The following TRPM1 variants were observed in gnomAD, a reference collection of about 807,000 sequenced individuals.
TRPM1 encodes the protein TRPM1-203 APA Isoform, Intron 10.
Under a neutral mutation model 149.4 loss-of-function variants are expected in TRPM1, and 113 were observed. The ratio of observed to expected loss-of-function variants is 0.76; its 90% CI spans 0.65 to 0.88. The LOEUF (loss-of-function observed/expected upper bound fraction) is 0.88, where lower values mean the gene tolerates loss of function less well. Ranked by LOEUF, TRPM1 falls within the 40% of genes least tolerant of loss-of-function variation. TRPM1 has a pLI of 0.00. For missense variants in TRPM1, 1,976 were observed against 2,038.7 expected (o/e 0.97, Z 0.59); for synonymous variants, 741 against 759.5 (o/e 0.98, Z 0.40).
At chr15:31,106,309 T>C (rs1488265151), upstream of TRPM1, among the ~76,000 whole-genome samples, 2 of 130,426 alleles carry the variant, frequency 1.5e-5, no homozygotes, top group Non-Finnish European at 3.4e-5. Flanking sequence ...TGGCTAATTT[T>C]GTATTTTTAG....
chr15:31,020,764 C>T (rs972513022), intron 27 of TRPM1, among the ~76,000 whole-genome samples: 3 of 152,120 alleles, frequency 2.0e-5, no homozygotes, highest in Non-Finnish European at 2.9e-5. Context: ...AGGAGGACGG[C>T]TCATTTGGTT....
At chr15:31,095,830 G>A (rs926373520) in intron 1 of TRPM1, among the ~76,000 whole-genome samples, 2 of 151,914 alleles carry the variant, frequency 1.3e-5, no homozygotes, top group African/African-American at 4.8e-5. Flanking sequence ...GATCTCTGGA[G>A]GTCAGGAGTT....
chr15:31,160,867 C>T (rs763142580), intron 1 of TRPM1: 31 of 1,533,296 alleles, frequency 2.0e-5, no homozygotes, highest in Middle Eastern at 1.7e-4. Context: ...TCTGCCCTTC[C>T]GCCCAGCTGC....
chr15:31,090,196 A>G (rs990098226), intron 1 of TRPM1, among the ~76,000 whole-genome samples: 4 of 152,156 alleles, frequency 2.6e-5, no homozygotes, highest in Non-Finnish European at 5.9e-5. Flanking sequence ...TTTTAAAAGG[A>G]AACTTTAGCA....
rs755943745 is a variant in TRPM1 at position 31,062,581 on chromosome 15, G to A, written c.1087C>T (p.Leu363Phe). 9.3e-6 allele frequency: 15 copies of A among 1,614,108 alleles called. No homozygotes were observed. The South Asian group carries it at 1.3e-4, about 14-fold the overall frequency. ...IIMECMKKKE[L>F]VTVFRMGSEG... Reference sequence around the variant, plus strand: ...GGAAATAAATTCAAGACACTTACGAGTTCTTTCTTCTTCATGCACTCCATT... The same window carrying A: ...GGAAATAAATTCAAGACACTTACGAATTCTTTCTTCTTCATGCACTCCATT... The change falls in exon 9 of 28, where the codon CTC (leucine) becomes TTC (phenylalanine). Residue 363 changes from leucine to phenylalanine, a missense_variant and splice_region_variant. Around this residue, in one of 3 missense-constraint regions of TRPM1, gnomAD observed 1,332 missense variants for 1,347.1 expected, o/e 0.99. Transcript: ENST00000256552.
intron 1 of TRPM1, among the ~76,000 whole-genome samples, chr15:31,121,731 A>T (rs2035883459): frequency 6.6e-6 from 1 of 152,198 alleles, no homozygotes; most frequent in African/African-American, 2.4e-5. Flanking sequence ...GGTGAATTAT[A>T]CCATACGTCT....
chr15:31,035,976 C>T (rs553804626), intron 20 of TRPM1: 34 of 444,036 alleles, frequency 7.7e-5, no homozygotes, highest in African/African-American at 6.0e-4. Context: ...ATTATGATAA[C>T]GGGAAACTTT....
Position 31,063,167 on chromosome 15 carries a change from G to T in TRPM1, c.916C>A (p.Arg306Ser), listed in dbSNP as rs755019950. The change falls in exon 8 of 28, where the codon CGT (arginine) becomes AGT (serine). Residue 306 changes from arginine (R) to serine (S), a missense_variant. By Grantham distance (110) the Arg-to-Ser change is moderately radical. Coordinates refer to ENST00000256552, the MANE Select transcript of TRPM1 (RefSeq NM_001252024.2). ...IPVVICDGSG[R>S]ASDILSFAHK... ...GCAAAGGACAGGATGTCCGAGGCAC[G>T]TCCGCTGCCATCACAAATCACCACA... 6.2e-7 allele frequency: 1 copy of T among 1,614,066 alleles called. No homozygotes were observed. The highest frequency in any genetic ancestry group is 8.5e-7 in the Non-Finnish European group (1 of 1,180,046).
chr15:31,102,135 C>T (rs1311386258), upstream of TRPM1, among the ~76,000 whole-genome samples: 2 of 152,242 alleles, frequency 1.3e-5, no homozygotes, highest in African/African-American at 4.8e-5. Flanking sequence ...ACTGCTAATC[C>T]TTCCTCATCT....
intron 1 of TRPM1, among the ~76,000 whole-genome samples, chr15:31,096,926 C>T (rs1247225968): frequency 9.9e-5 from 15 of 152,110 alleles, no homozygotes; most frequent in South Asian, 2.1e-4. Context: ...AAAGGGTGCA[C>T]GCCAGCAGGA....
At chr15:31,020,757 A>G (rs1183262537) in intron 27 of TRPM1, among the ~76,000 whole-genome samples, 1 of 152,072 alleles carries the variant, frequency 6.6e-6, no homozygotes, top group Non-Finnish European at 1.5e-5. Context: ...ATTTTGGAGG[A>G]GGACGGCTCA....
intron 15 of TRPM1, among the ~76,000 whole-genome samples, chr15:31,046,465 G>A (rs2033767182): frequency 6.6e-6 from 1 of 152,218 alleles, no homozygotes. Flanking sequence ...CCTTATTCCA[G>A]GTAGAAACCG....
chr15:31,076,001 G>A (rs141571937), intron 3 of TRPM1, among the ~76,000 whole-genome samples: 1,589 of 152,154 alleles, frequency 0.01, 10 homozygotes, highest in African/African-American at 0.017. Flanking sequence ...ATGGAGGACT[G>A]CAGTGCTGGC....
In TRPM1 at chr15:31,068,047, G is replaced by A. The variant is rs1167275729; in HGVS notation, c.325C>T (p.Leu109Phe). The A allele has an allele frequency of 1.9e-5, 30 of 1,614,084 alleles. No individual in the cohort carries two copies. The highest frequency in any genetic ancestry group is 2.5e-5 in the Non-Finnish European group (30 of 1,180,038). ...TCCAGCTGCCAATCTTTCACCATGA[G>A]ATGGAGCAGTGAGTCTGGCTTGGTG... ...YDTKPDSLLH[L>F]MVKDWQLELP... The change falls in exon 5 of 28, where the codon CTC becomes TTC. Residue 109 changes from leucine to phenylalanine, a missense_variant. Around this residue, in one of 3 missense-constraint regions of TRPM1, gnomAD observed 1,332 missense variants for 1,347.1 expected, o/e 0.99. Coordinates refer to ENST00000256552, the MANE Select transcript of TRPM1 (RefSeq NM_001252024.2).
rs1397334605 is a variant in TRPM1, at chr15:31,049,303, A to C, written c.1572+72T>G. ...GGAGGTCAGATGAGCACATTTATGCACAATATGCACCAGTGACAAACACAT... is the reference window on the plus strand; with the variant it reads ...GGAGGTCAGATGAGCACATTTATGCCCAATATGCACCAGTGACAAACACAT... On this transcript the variant is annotated intron_variant, in intron 13 of 27. Transcript: ENST00000256552. 3.1e-6 allele frequency: 5 copies of C among 1,608,226 alleles called. No individual in the cohort carries two copies. The African/African-American group carries it at 6.7e-5, about 21-fold the overall frequency.
At chr15:31,102,582 T>C (rs2035538233), upstream of TRPM1, among the ~76,000 whole-genome samples, 1 of 152,034 alleles carries the variant, frequency 6.6e-6, no homozygotes, top group African/African-American at 2.4e-5. Context: ...GCAGGTGGGG[T>C]GGAGTGGGAG....
At position 31,087,231 on chromosome 15, in the gene TRPM1, A is replaced by ATTTTTTTTTT. The variant is rs58872566; in HGVS notation, c.-83-5803_-83-5794dup. ...AGCAGTTAAGCAGGTCTCAATAGGG[A>ATTTTTTTTTT]TTTTTTTTTTTTTTTTTTTTTTTTT... is the stretch of plus-strand genomic sequence containing the variant. On this transcript the variant is annotated intron_variant, in intron 1 of 27. Coordinates refer to ENST00000256552, the MANE Select transcript of TRPM1 (RefSeq NM_001252024.2). Among the ~76,000 whole-genome samples the ATTTTTTTTTT allele has an allele frequency of 1.1e-3, 65 of 59,446 alleles. 7 individuals carry two copies. The highest frequency in any genetic ancestry group is 3.3e-3 in the African/African-American group (47 of 14,046). The allele number at this position is 59,446 out of a possible 152,430, so 39.0% of individuals were successfully genotyped here. A position where few individuals can be genotyped will look rare whatever the true frequency, so the allele number is the denominator to read the frequency against.
chr15:31,137,473 G>T (rs948432367), intron 1 of TRPM1, among the ~76,000 whole-genome samples: 8 of 152,180 alleles, frequency 5.3e-5, no homozygotes, highest in African/African-American at 1.9e-4. Context: ...AATGTTCCAG[G>T]TGAACACAAA....
chr15:31,073,663 T>G (rs1417448619), intron 3 of TRPM1, among the ~76,000 whole-genome samples: 1 of 152,136 alleles, frequency 6.6e-6, no homozygotes, highest in Admixed American at 6.5e-5. Context: ...AGAGTTTTAC[T>G]TCTCTCTTTC....
Sources: gnomAD v4.1 joint callset for allele counts (sites outside exome capture counted in the v4.1 genomes callset) on GRCh38, gnomAD v4.1.1 for gene constraint, gnomAD v4.1.1 regional missense constraint, MANE v1.5 for transcripts, NCBI Gene and HGNC (gene_info 2026-07-23, HGNC 2026-07-21) for gene names.